The following POLRMT variants were observed in gnomAD, a reference collection of about 807,000 sequenced individuals.
POLRMT encodes DNA-directed RNA polymerase, mitochondrial.
POLRMT carries 114 observed loss-of-function variants against 132.2 expected under a neutral mutation model. That is an observed-to-expected ratio of 0.86 (90% CI 0.74 to 1.01). The LOEUF (loss-of-function observed/expected upper bound fraction) is 1.01. Ranked by LOEUF, POLRMT falls within the 50% of genes least tolerant of loss-of-function variation. POLRMT has a pLI of 0.00. For missense variants in POLRMT, 2,003 were observed against 1,729.1 expected (o/e 1.16, Z -2.81); for synonymous variants, 1,020 against 773.4 (o/e 1.32, Z -5.29).
chr19:620,219 GGA>G (rs1219688284), intron 11 of POLRMT, 139 bp from the exon 12 acceptor site: 1 of 1,452,570 alleles, frequency 6.9e-7, no homozygotes, highest in Non-Finnish European at 9.2e-7. Context: ...CACGCTCCCG[GGA>G]GAGACCAGGA....
chr19:631,692 T>C (rs1455490141), intron 2 of POLRMT, among the ~76,000 whole-genome samples: 3 of 152,114 alleles, frequency 2.0e-5, no homozygotes, highest in African/African-American at 7.2e-5. Flanking sequence ...GCCTTCAGAG[T>C]GCTCCAAAAC....
Position 624,312 on chromosome 19 carries a change from G to A in POLRMT, c.1140+407C>T, listed in dbSNP as rs989313278. 2.6e-5 allele frequency among the ~76,000 whole-genome samples: 4 copies of A among 152,344 alleles called. No homozygotes were observed. The East Asian group carries it at 5.8e-4, about 22-fold the overall frequency. ...GGGGAGTGACGGGGATGGGGACGAG[G>A]CTTCCTTTTAGGGTGATGGAACATT... On this transcript the variant is annotated intron_variant, in intron 5 of 20. Transcript: ENST00000588649.
chr19:619,226 C>T lies in POLRMT; in HGVS notation c.3137G>A (p.Gly1046Glu). 6.2e-7 allele frequency: 1 copy of T among 1,610,562 alleles called. No homozygotes were observed. The highest frequency in any genetic ancestry group is 1.1e-5 in the South Asian group (1 of 90,856). ...AGGACGTACCTGGATGGCCCGGGTC[C>T]CCGAGAACATCTCCTGTAGACTCTT... ...VFKSLQEMFSGTRAIQHWLTE... is the reference protein window; with the variant it reads ...VFKSLQEMFSETRAIQHWLTE... Residue 1046 changes from glycine (G) to glutamate (E), a missense_variant, in exon 14 of 21, where the codon GGG (glycine) becomes GAG (glutamate). Coordinates refer to ENST00000588649, the MANE Select transcript of POLRMT (RefSeq NM_005035.4).
chr19:632,889 G>A lies in POLRMT; in HGVS notation c.138C>T (p.Pro46=). The A allele has an allele frequency of 6.5e-7, 1 of 1,546,592 alleles. No individual in the cohort carries two copies. Residue 46 remains proline, a synonymous_variant, in exon 2 of 21, where the codon CCC becomes CCT. Transcript: ENST00000588649. The stretch of plus-strand genomic sequence containing the variant: ...TCCTGCGGTCTTGGTCTTGCTCCTG[G>A]GGGCTGGCGGACGAGCTCCTCCTGG... The part of the protein sequence containing the change: ...CGPRRSSSAS[P]QEQDQDRRKD...
At chr19:632,972 G>T in intron 1 of POLRMT, 34 bp from the exon 2 acceptor site, 1 of 1,429,912 alleles carries the variant, frequency 7.0e-7, no homozygotes, top group Non-Finnish European at 9.2e-7. Context: ...GAGCGGGGCC[G>T]GGCGTGTGGG....
rs1439664910 is a variant in POLRMT, at chr19:622,808, G to A, written c.1455+13C>T. The A allele has an allele frequency of 1.3e-6, 2 of 1,582,318 alleles. No homozygotes were observed. The highest frequency in any genetic ancestry group is 2.3e-5 in the East Asian group (1 of 42,806). ...CCCCGCCCGGGGACCCGGCCGCGCG[G>A]AGGAAGACGCACCTGCAGGAGCATC... On this transcript the variant is annotated intron_variant, in intron 7 of 20. Coordinates refer to ENST00000588649, the MANE Select transcript of POLRMT (RefSeq NM_005035.4).
At chr19:623,730 C>G (rs1294721746) in intron 5 of POLRMT, 127 bp from the exon 6 acceptor site, 4 of 1,135,686 alleles carry the variant, frequency 3.5e-6, no homozygotes, top group African/African-American at 1.6e-5. Context: ...ATCGCTGACG[C>G]GGGGAAAGGC....
chr19:632,541 G>C (rs1412434784), intron 2 of POLRMT, among the ~76,000 whole-genome samples: 1 of 151,916 alleles, frequency 6.6e-6, no homozygotes, highest in Non-Finnish European at 1.5e-5. Context: ...GGGGCCGGGG[G>C]GGGGGTCTCT....
intron 11 of POLRMT, 116 bp downstream of exon 11, chr19:620,249 C>A: frequency 6.9e-7 from 1 of 1,458,654 alleles, no homozygotes; most frequent in Non-Finnish European, 9.1e-7. Flanking sequence ...CTCCCGCACA[C>A]TCTAGGACCA....
rs770914181 is a variant in POLRMT, at chr19:624,790, T to C, written c.1069A>G (p.Thr357Ala). Reference sequence around the variant, plus strand: ...GGCAGCTGCGGCGGGAGGCTGAAGGTGGGCTTCACCTTGTGCACGGCCTTC... The same window carrying C: ...GGCAGCTGCGGCGGGAGGCTGAAGGCGGGCTTCACCTTGTGCACGGCCTTC... ...VLKAVHKVKP[T>A]FSLPPQLPPP... The change falls in exon 5 of 21, where the codon ACC (threonine) becomes GCC (alanine). Residue 357 changes from threonine to alanine, a missense_variant. Thr to Ala is a moderately conservative substitution (Grantham distance 58). Transcript: ENST00000588649. The C allele has an allele frequency of 9.3e-6, 15 of 1,613,034 alleles. No homozygotes were observed. In the Admixed American group the frequency reaches 2.5e-4, roughly 27 times the overall value.
chr19:626,148 AATTTT>A (rs969095863), intron 3 of POLRMT, among the ~76,000 whole-genome samples: 1 of 150,532 alleles, frequency 6.6e-6, no homozygotes, highest in Non-Finnish European at 1.5e-5. Context: ...CTTCTTTGGA[AATTTT>A]ATTTAATTAT....
rs150947088 is a variant in POLRMT, at chr19:632,886, C to A, written c.141G>T (p.Gln47His). 1.2e-3 allele frequency: 1,910 copies of A among 1,548,428 alleles called. 3 individuals are homozygous for A. Among genetic ancestry groups the A allele is most frequent in the Middle Eastern group, 2.0e-3 (10 of 4,922 alleles). ...CCTTCCTGCGGTCTTGGTCTTGCTC[C>A]TGGGGGCTGGCGGACGAGCTCCTCC... Reference protein sequence around the residue: ...GPRRSSSASPQEQDQDRRKDW... With the variant: ...GPRRSSSASPHEQDQDRRKDW... Residue 47 changes from glutamine (Q) to histidine (H), a missense_variant, in exon 2 of 21, where the codon CAG (glutamine) becomes CAT (histidine). By Grantham distance (24) the Gln-to-His change is conservative. Coordinates refer to ENST00000588649, the MANE Select transcript of POLRMT (RefSeq NM_005035.4).
At position 620,144 on chromosome 19, in the gene POLRMT, C is replaced by G. The variant is rs1052619697; in HGVS notation, c.2764-64G>C. On this transcript the variant is annotated intron_variant, in intron 11 of 20. Transcript: ENST00000588649. ...AGGCAGAGACGTGTGGGACCCCAAA[C>G]CACCCCCCAGGTCGAGCCGTTCCTA... 2.6e-6 allele frequency: 4 copies of G among 1,525,152 alleles called. No homozygotes were observed. The African/African-American group carries it at 4.1e-5, about 16-fold the overall frequency. 94.5% of individuals were successfully genotyped at this position (1,525,152 alleles called of 1,614,324 possible). A position where few individuals can be genotyped will look rare whatever the true frequency, so the allele number is the denominator to read the frequency against.
At chr19:618,940 G>A (rs759745338) in intron 15 of POLRMT, 57 bp downstream of exon 15, 42 of 1,430,732 alleles carry the variant, frequency 2.9e-5, no homozygotes, top group Non-Finnish European at 3.9e-5. Flanking sequence ...TGGTACACTG[G>A]GACGCTGTTA....
chr19:625,403 C>T (rs1357124404), intron 3 of POLRMT, 149 bp from the exon 4 acceptor site: 1 of 1,027,628 alleles, frequency 9.7e-7, no homozygotes, highest in Non-Finnish European at 1.4e-6. Context: ...ACCGATGCAT[C>T]CCCCTGAGGT....
At chr19:622,406 CG>C in intron 8 of POLRMT, 33 bp from the exon 9 acceptor site, 1 of 1,516,824 alleles carries the variant, frequency 6.6e-7, no homozygotes, top group South Asian at 1.2e-5. Context: ...CGCTGGGCAC[CG>C]GGGCCCCTGA....
At chr19:630,585 C>T (rs1248048323) in intron 2 of POLRMT, among the ~76,000 whole-genome samples, 3 of 152,128 alleles carry the variant, frequency 2.0e-5, no homozygotes, top group Admixed American at 2.0e-4. Flanking sequence ...GCCCCTCTCA[C>T]TGTCTAGCTC....
In POLRMT at chr19:623,742, G is replaced by A. The variant is rs891245449; in HGVS notation, c.1141-139C>T. ...GCTATCGCTGACGCGGGGAAAGGCG[G>A]GCTGCGGGTAAAGTCAGTGCCAGCA... On this transcript the variant is annotated intron_variant, in intron 5 of 20. Coordinates refer to ENST00000588649, the MANE Select transcript of POLRMT (RefSeq NM_005035.4). 4.6e-6 allele frequency: 5 copies of A among 1,081,148 alleles called. No individual in the cohort carries two copies. In the African/African-American group the frequency reaches 6.3e-5, roughly 14 times the overall value. The allele number at this position is 1,081,148 out of a possible 1,614,324, so 67.0% of individuals were successfully genotyped here. A position where few individuals can be genotyped will look rare whatever the true frequency, so the allele number is the denominator to read the frequency against.
chr19:623,627 T>G (rs767762607), intron 5 of POLRMT, 24 bp from the exon 6 acceptor site: 1 of 1,608,462 alleles, frequency 6.2e-7, no homozygotes, highest in Non-Finnish European at 8.5e-7. Flanking sequence ...GGTAGTGAGG[T>G]TGGGGGCTTG....
Sources: allele counts gnomAD v4.1 joint callset (sites outside exome capture counted in the v4.1 genomes callset), GRCh38; gene constraint gnomAD v4.1.1; transcripts MANE v1.5; gene names NCBI Gene and HGNC (gene_info 2026-07-23, HGNC 2026-07-21).